SPI1: variants seen among roughly 807,000 people sequenced by gnomAD.
SPI1 encodes Spi-1 proto-oncogene.
A neutral mutation model predicts 30.7 loss-of-function variants in SPI1; 3 were observed. That is an observed-to-expected ratio of 0.10 (90% CI 0.04 to 0.25). The LOEUF (loss-of-function observed/expected upper bound fraction) is 0.25. Ranked by LOEUF, SPI1 falls within the 10% of genes least tolerant of loss-of-function variation. The pLI is 1.00. For missense variants in SPI1, 261 were observed against 371.5 expected (o/e 0.70, Z 2.45); for synonymous variants, 169 against 157.1 (o/e 1.08, Z -0.56).
At chr11:47,366,872 A>C (rs2095929086) in intron 2 of SPI1, among the ~76,000 whole-genome samples, 1 of 149,588 alleles carries the variant, frequency 6.7e-6, no homozygotes, top group Admixed American at 6.7e-5. Flanking sequence ...CAGAGAACAG[A>C]GAACTGAAGG....
intron 2 of SPI1, among the ~76,000 whole-genome samples, 178 bp from the exon 3 acceptor site, chr11:47,360,218 G>A (rs1013730336): frequency 2.0e-5 from 3 of 152,118 alleles, no homozygotes; most frequent in Non-Finnish European, 2.9e-5. Context: ...CTGAGGCTTC[G>A]AGCGGCTACA....
chr11:47,355,787 GCA>G (rs2095907527), intron 4 of SPI1, among the ~76,000 whole-genome samples: 1 of 127,246 alleles, frequency 7.9e-6, no homozygotes, highest in South Asian at 2.8e-4. Context: ...CCCCCCACGC[GCA>G]CACACTCGCA....
At chr11:47,372,698 C>G (rs2095937452) in intron 2 of SPI1, among the ~76,000 whole-genome samples, 1 of 152,126 alleles carries the variant, frequency 6.6e-6, no homozygotes, top group South Asian at 2.1e-4. Flanking sequence ...TTTTCCCACT[C>G]CCCAGCCGCT....
rs946920708 is a variant in SPI1, at chr11:47,359,106, C to T, written c.331-100G>A. The T allele has an allele frequency of 5.6e-5, 65 of 1,156,300 alleles. No individual in the cohort carries two copies. Among genetic ancestry groups the T allele is most frequent in the Non-Finnish European group, 7.5e-5 (62 of 828,980 alleles). The allele number at this position is 1,156,300 out of a possible 1,614,324, so 71.6% of individuals were successfully genotyped here. On this transcript the variant is annotated intron_variant, in intron 3 of 4. Transcript: ENST00000378538. This position sits in a 1 kb window ranked among gnomAD's most constrained non-coding sequence, Gnocchi z 5.1. ...CTGGGGAGAGAAGGAGTGCAGAGGG[C>T]AGGGGACAATGGCAGGCACAGGAGA...
intron 2 of SPI1, among the ~76,000 whole-genome samples, chr11:47,373,657 AAAAAG>A (rs1317776403): frequency 9.2e-5 from 14 of 152,146 alleles, no homozygotes; most frequent in African/African-American, 3.1e-4. Flanking sequence ...AAAAAAAAAA[AAAAAG>A]AAAAGGACAG....
chr11:47,355,147 C>G lies in SPI1; in HGVS notation c.*80G>C. On this transcript the variant is annotated 3_prime_UTR_variant, in exon 5 of 5. Transcript: ENST00000378538. ...CCTGCCTCTGGGCCCCGGGAGCGTC[C>G]TCCCTGTGTCCGGGCCGGGCGAGGG... 5.2e-6 allele frequency: 6 copies of G among 1,158,948 alleles called. No homozygotes were observed. The highest frequency in any genetic ancestry group is 6.5e-6 in the Non-Finnish European group (6 of 918,496). The allele number at this position is 1,158,948 out of a possible 1,614,324, so 71.8% of individuals were successfully genotyped here. A position where few individuals can be genotyped will look rare whatever the true frequency, so the allele number is the denominator to read the frequency against.
intron 2 of SPI1, among the ~76,000 whole-genome samples, chr11:47,366,170 C>T (rs955420358): frequency 1.3e-5 from 2 of 152,128 alleles, no homozygotes; most frequent in Non-Finnish European, 2.9e-5. Context: ...TCCAGCCAGC[C>T]AGAAATGACC....
In SPI1 at chr11:47,355,375, T is replaced by C; in HGVS notation, c.665A>G (p.Lys222Arg). 6.2e-7 allele frequency: 1 copy of C among 1,613,902 alleles called. No individual in the cohort carries two copies. The highest frequency in any genetic ancestry group is 8.5e-7 in the Non-Finnish European group (1 of 1,179,824). The change falls in exon 5 of 5, where the codon AAG becomes AGG. Residue 222 changes from lysine to arginine, a missense_variant. Physicochemically the swap from Lys to Arg is conservative, Grantham distance 26. This residue lies in a region of SPI1 where 43 missense variants were observed against 123.8 expected (regional missense o/e 0.35). Transcript: ENST00000378538. The stretch of plus-strand genomic sequence containing the variant: ...GCGCGCCATCTTCTGGTAGGTCATC[T>C]TCTTGCGGTTGCCCTTCTGGATGCC... ...RWGIQKGNRK[K>R]MTYQKMARAL...
In SPI1 at chr11:47,371,155, T is replaced by C. The variant is rs575400073; in HGVS notation, c.142+4478A>G. Among the ~76,000 whole-genome samples, 189 of 151,364 alleles carry C rather than the reference T, an allele frequency of 1.2e-3. 6 individuals are homozygous for C. In the South Asian group the frequency reaches 0.038, roughly 31 times the overall value. ...GCGGGTGGATCACAACGTCAGGAGATCAAGACCATCCTGGCTAACACGGTG... is the reference window on the plus strand; with the variant it reads ...GCGGGTGGATCACAACGTCAGGAGACCAAGACCATCCTGGCTAACACGGTG... On this transcript the variant is annotated intron_variant, in intron 2 of 4. Coordinates refer to ENST00000378538, the MANE Select transcript of SPI1 (RefSeq NM_003120.3).
rs867448811 is a variant in SPI1, at chr11:47,374,766, C to T, written c.142+867G>A. ...ACCTCCCGCAGCCCCCTGCTCAGGTCCCAGGCACCTAATGCCTCTCTCCCA... is the reference window on the plus strand; with the variant it reads ...ACCTCCCGCAGCCCCCTGCTCAGGTTCCAGGCACCTAATGCCTCTCTCCCA... On this transcript the variant is annotated intron_variant, in intron 2 of 4. Transcript: ENST00000378538. This position sits in a 1 kb window ranked among gnomAD's most constrained non-coding sequence, Gnocchi z 4.5. Among the ~76,000 whole-genome samples, 3 of 152,228 alleles carry T rather than the reference C, an allele frequency of 2.0e-5. No homozygotes were observed. The highest frequency in any genetic ancestry group is 2.1e-4 in the South Asian group (1 of 4,830).
intron 1 of SPI1, 113 bp downstream of exon 1, chr11:47,378,196 C>T (rs2095944893): frequency 1.7e-6 from 2 of 1,174,552 alleles, no homozygotes; most frequent in South Asian, 1.3e-5. Context: ...GAAACCCTGA[C>T]TTCCCACTGA....
intron 4 of SPI1, chr11:47,358,615 C>G (rs762752678): frequency 2.8e-6 from 2 of 705,216 alleles, no homozygotes; most frequent in South Asian, 1.5e-5. Flanking sequence ...CACAGAGAGA[C>G]ACACACACCT....
chr11:47,376,167 C>T (rs1024040804), intron 1 of SPI1, among the ~76,000 whole-genome samples: 1 of 151,996 alleles, frequency 6.6e-6, no homozygotes, highest in African/African-American at 2.4e-5. Flanking sequence ...TGCACACTAT[C>T]CCTCACACAC....
chr11:47,360,982 G>A (rs565940696), intron 2 of SPI1, among the ~76,000 whole-genome samples: 69 of 151,312 alleles, frequency 4.6e-4, no homozygotes, highest in Non-Finnish European at 7.8e-4. Context: ...TTAGCTGGGC[G>A]TGGTGGCGGG....
chr11:47,364,195 G>T (rs1329216872), intron 2 of SPI1, among the ~76,000 whole-genome samples: 2 of 151,484 alleles, frequency 1.3e-5, no homozygotes, highest in African/African-American at 4.8e-5. Context: ...GACTACAGGT[G>T]CCTGCCACCA....
chr11:47,357,378 C>G (rs952631252), intron 4 of SPI1, among the ~76,000 whole-genome samples: 3 of 151,858 alleles, frequency 2.0e-5, no homozygotes, highest in Non-Finnish European at 2.9e-5. Flanking sequence ...CACCTCACAC[C>G]TGCTCACGCA....
intron 2 of SPI1, among the ~76,000 whole-genome samples, chr11:47,374,000 G>T (rs956573331): frequency 6.6e-6 from 1 of 152,240 alleles, no homozygotes; most frequent in Admixed American, 6.5e-5. Flanking sequence ...ACGCACCCAA[G>T]CCCAGTGAAC....
At position 47,355,543 on chromosome 11, in the gene SPI1, C is replaced by T. The variant is rs768591285; in HGVS notation, c.497G>A (p.Ser166Asn). 6.4e-7 allele frequency: 1 copy of T among 1,569,162 alleles called. No homozygotes were observed. The highest frequency in any genetic ancestry group is 2.4e-5 in the East Asian group (1 of 41,626). Residue 166 changes from serine (S) to asparagine (N), a missense_variant, in exon 5 of 5, where the codon AGC becomes AAC. Physicochemically the swap from Ser to Asn is conservative, Grantham distance 46. Coordinates refer to ENST00000378538, the MANE Select transcript of SPI1 (RefSeq NM_003120.3). ...CTGGTACAGGCGGATCTTCTTCTTG[C>T]TGCCTGCGGGGGGGAGGGCCCGGTG... ...GPGLLPGETG[S>N]KKKIRLYQFL...
At chr11:47,356,375 C>T (rs1410956360) in intron 4 of SPI1, among the ~76,000 whole-genome samples, 1 of 150,810 alleles carries the variant, frequency 6.6e-6, no homozygotes, top group Admixed American at 6.6e-5. Flanking sequence ...CTCATGCTCA[C>T]ACCTCATTCA....
Sources: gnomAD v4.1 joint callset for allele counts (sites outside exome capture counted in the v4.1 genomes callset) on GRCh38, gnomAD v4.1.1 for gene constraint, gnomAD v4.1.1 regional missense constraint, Gnocchi (gnomAD v3.1) non-coding constraint, MANE v1.5 for transcripts, NCBI Gene and HGNC (gene_info 2026-07-23, HGNC 2026-07-21) for gene names.